The following HERC1 variants were observed in gnomAD, a reference collection of about 807,000 sequenced individuals.
HERC1 encodes the protein HECT and RLD domain containing E3 ubiquitin protein ligase family member 1.
In HERC1, 160 loss-of-function variants were observed where a neutral mutation model predicts 554.3. That is an observed-to-expected ratio of 0.29 (90% CI 0.25 to 0.33). The LOEUF (loss-of-function observed/expected upper bound fraction) is 0.33. Among genes scored for constraint, HERC1 ranks in the 10% least tolerant of loss-of-function variants. The pLI, the probability that HERC1 is intolerant of heterozygous loss-of-function variation, is 1.00. For synonymous variants in HERC1, 2,175 were observed against 2,131.7 expected (o/e 1.02, Z -0.56); for missense variants, 4,919 against 5,918.5 (o/e 0.83, Z 5.54).
chr15:63,829,694 T>C (rs1257210943), intron 1 of HERC1, among the ~76,000 whole-genome samples: 1 of 150,620 alleles, frequency 6.6e-6, no homozygotes, highest in African/African-American at 2.4e-5. Flanking sequence ...TTAAATACTA[T>C]TCTCCAATAA....
chr15:63,831,733 T>C (rs1309842076), intron 1 of HERC1, among the ~76,000 whole-genome samples: 1 of 152,196 alleles, frequency 6.6e-6, no homozygotes, highest in Non-Finnish European at 1.5e-5. Context: ...TTATTACTAT[T>C]TATTATTTGC....
chr15:63,767,026 G>T (rs187633968), intron 2 of HERC1, among the ~76,000 whole-genome samples: 25 of 143,162 alleles, frequency 1.7e-4, no homozygotes, highest in Middle Eastern at 4.8e-3. Flanking sequence ...TTTTGAAATG[G>T]AGTCTTGCTC....
At chr15:63,614,006 T>A (rs887042626) in intron 76 of HERC1, among the ~76,000 whole-genome samples, 1 of 151,850 alleles carries the variant, frequency 6.6e-6, no homozygotes, top group Non-Finnish European at 1.5e-5. Context: ...GGAAAAAAAA[T>A]TAGGCTGAGG....
At chr15:63,817,860 T>A (rs2077547930) in intron 1 of HERC1, among the ~76,000 whole-genome samples, 1 of 152,004 alleles carries the variant, frequency 6.6e-6, no homozygotes, top group African/African-American at 2.4e-5. Context: ...CCCTCTACTT[T>A]TATGTTAATA....
intron 50 of HERC1, 34 bp downstream of exon 50, chr15:63,655,708 A>G (rs1566978047): frequency 7.4e-7 from 1 of 1,359,024 alleles, no homozygotes; most frequent in East Asian, 2.5e-5. Flanking sequence ...GAAGTCGATT[A>G]GAAGACTGTA....
intron 1 of HERC1, among the ~76,000 whole-genome samples, chr15:63,803,033 G>C (rs2077040150): frequency 6.6e-6 from 1 of 152,032 alleles, no homozygotes; most frequent in South Asian, 2.1e-4. Context: ...GACATAATGA[G>C]ACCCCATCTC....
Position 63,694,335 on chromosome 15 carries a change from G to C in HERC1, c.5457C>G (p.Leu1819=). The C allele has an allele frequency of 1.2e-6, 2 of 1,613,616 alleles. No individual in the cohort carries two copies. The highest frequency in any genetic ancestry group is 1.7e-6 in the Non-Finnish European group (2 of 1,179,742). Residue 1819 remains leucine, a synonymous_variant, in exon 29 of 78, where the codon CTC becomes CTG. Transcript: ENST00000443617. This position sits in a 1 kb window ranked among gnomAD's most constrained non-coding sequence, Gnocchi z 4.3. ...ACCCAGTAGTGATGGCTAGAATCTGGAGCAACCTTGTACTGGCCACTTTCA... is the reference window on the plus strand; with the variant it reads ...ACCCAGTAGTGATGGCTAGAATCTGCAGCAACCTTGTACTGGCCACTTTCA... The part of the protein sequence containing the change: ...TALKVASTRL[L]QILAITTGTY...
At chr15:63,832,440 A>G (rs2078189988) in intron 1 of HERC1, among the ~76,000 whole-genome samples, 1 of 152,206 alleles carries the variant, frequency 6.6e-6, no homozygotes, top group Admixed American at 6.5e-5. Context: ...AATGTCACAG[A>G]ACAATTTTGG....
chr15:63,778,571 C>A (rs1213338710), intron 1 of HERC1, among the ~76,000 whole-genome samples: 2 of 152,078 alleles, frequency 1.3e-5, no homozygotes, highest in South Asian at 2.1e-4. Context: ...TAGTGTCCTG[C>A]AAGGCAAAAT....
Position 63,666,045 on chromosome 15 carries a change from G to C in HERC1, c.8429C>G (p.Ala2810Gly), listed in dbSNP as rs767961021. Residue 2810 changes from alanine to glycine, a missense_variant, in exon 42 of 78, where the codon GCA becomes GGA. Ala to Gly is a moderately conservative substitution (Grantham distance 60). This residue lies in a region of HERC1 where 1,963 missense variants were observed against 2,228.6 expected (regional missense o/e 0.88). Transcript: ENST00000443617. ...AACGGCTGCTCCAGGCCTAGAGTCTGCTGTGCTGCCCGACTGGGGCTCCTC... is the reference window on the plus strand; with the variant it reads ...AACGGCTGCTCCAGGCCTAGAGTCTCCTGTGCTGCCCGACTGGGGCTCCTC... ...DEEEPQSGST[A>G]DSRPGAAVLG... 1 of 1,614,036 alleles carries C rather than the reference G, an allele frequency of 6.2e-7. No individual in the cohort carries two copies.
At chr15:63,829,572 T>TATATATAC (rs1288158457) in intron 1 of HERC1, among the ~76,000 whole-genome samples, 1 of 131,164 alleles carries the variant, frequency 7.6e-6, no homozygotes, top group African/African-American at 3.0e-5. Context: ...TATATATATA[T>TATATATAC]ATATATATAT....
intron 1 of HERC1, among the ~76,000 whole-genome samples, chr15:63,797,351 A>C (rs1251193559): frequency 6.6e-6 from 1 of 152,172 alleles, no homozygotes; most frequent in East Asian, 1.9e-4. Flanking sequence ...AAGGGTCACA[A>C]TATTTGTCAC....
chr15:63,627,690 A>G (rs1191098480), intron 70 of HERC1, among the ~76,000 whole-genome samples: 1 of 151,086 alleles, frequency 6.6e-6, no homozygotes, highest in African/African-American at 2.4e-5. Flanking sequence ...AAAAAAAAAA[A>G]GGAAACTGCC....
At chr15:63,824,390 C>T (rs1174249050) in intron 1 of HERC1, among the ~76,000 whole-genome samples, 2 of 151,828 alleles carry the variant, frequency 1.3e-5, no homozygotes, top group East Asian at 1.9e-4. Context: ...AAAAATTAGC[C>T]GGGTGTGGTG....
intron 76 of HERC1, among the ~76,000 whole-genome samples, chr15:63,614,979 A>T (rs2067752453): frequency 1.3e-5 from 2 of 152,220 alleles, no homozygotes; most frequent in African/African-American, 4.8e-5. Flanking sequence ...ACCTGGAGGT[A>T]AGCTTGTGTG....
At chr15:63,711,676 C>T (rs2073300553) in intron 24 of HERC1, among the ~76,000 whole-genome samples, 2 of 152,232 alleles carry the variant, frequency 1.3e-5, no homozygotes, top group African/African-American at 4.8e-5. Flanking sequence ...TTCAGAATTA[C>T]ACATGGAGCT....
At chr15:63,686,609 G>T in intron 33 of HERC1, 74 bp from the exon 34 acceptor site, 1 of 1,245,548 alleles carries the variant, frequency 8.0e-7, no homozygotes, top group South Asian at 1.4e-5. Flanking sequence ...GAGGCTCCTT[G>T]GTTTTATCCT....
chr15:63,611,487 T>C (rs1314871258), intron 77 of HERC1, among the ~76,000 whole-genome samples: 1 of 152,222 alleles, frequency 6.6e-6, no homozygotes, highest in African/African-American at 2.4e-5. Context: ...ATGGCAGAGA[T>C]GCAGCCCTGC....
chr15:63,813,822 C>T (rs2077406611), intron 1 of HERC1, among the ~76,000 whole-genome samples: 3 of 152,186 alleles, frequency 2.0e-5, no homozygotes, highest in African/African-American at 7.2e-5. Context: ...AATCCCAGCA[C>T]TTTGGGAGGC....
Sources: allele counts gnomAD v4.1 joint callset (sites outside exome capture counted in the v4.1 genomes callset), GRCh38; gene constraint gnomAD v4.1.1; regional missense constraint gnomAD v4.1.1; non-coding constraint Gnocchi (gnomAD v3.1); transcripts MANE v1.5; gene names NCBI Gene and HGNC (gene_info 2026-07-23, HGNC 2026-07-21).